SAMSN1: variants seen among roughly 807,000 people sequenced by gnomAD.
SAMSN1 encodes the protein SAM domain-containing protein SAMSN-1.
In SAMSN1, 31 loss-of-function variants were observed where a neutral mutation model predicts 42.0. That is an observed-to-expected ratio of 0.74 (90% CI 0.55 to 1.00). SAMSN1 has a LOEUF of 1.00. Among genes scored for constraint, SAMSN1 ranks in the 50% least tolerant of loss-of-function variants. The pLI is 0.00. For missense variants in SAMSN1, 464 were observed against 439.4 expected (o/e 1.06, Z -0.50); for synonymous variants, 178 against 151.9 (o/e 1.17, Z -1.26).
intron 7 of SAMSN1, among the ~76,000 whole-genome samples, chr21:14,496,945 C>A (rs1458746107): frequency 6.6e-6 from 1 of 152,184 alleles, no homozygotes; most frequent in Non-Finnish European, 1.5e-5. Flanking sequence ...TGCTCTACCT[C>A]AGTTTTGTGG....
intron 1 of SAMSN1, among the ~76,000 whole-genome samples, chr21:14,648,120 G>C (rs943011083): frequency 7.3e-5 from 11 of 151,312 alleles, no homozygotes; most frequent in African/African-American, 2.4e-4. Context: ...ATTGGCTGTG[G>C]GTTTGTCATA....
At chr21:14,534,668 A>G (rs1302002932) in intron 1 of SAMSN1, among the ~76,000 whole-genome samples, 1 of 152,090 alleles carries the variant, frequency 6.6e-6, no homozygotes, top group Non-Finnish European at 1.5e-5. Context: ...GGTGCCCGCC[A>G]CCAGAAGGAG....
chr21:14,615,863 CAAAAAAAAAAAA>C (rs34255188), intron 3 of SAMSN1: 3 of 116,456 alleles, frequency 2.6e-5, no homozygotes, highest in East Asian at 1.7e-4. Context: ...ATGACAGCTG[CAAAAAAAAAAAA>C]AAAAAAAAAA....
At chr21:14,618,147 T>A (rs1982892803) in intron 2 of SAMSN1, among the ~76,000 whole-genome samples, 1 of 152,182 alleles carries the variant, frequency 6.6e-6, no homozygotes, top group Admixed American at 6.5e-5. Flanking sequence ...GGAATTGGGG[T>A]CATCCAATTT....
At chr21:14,557,624 C>G (rs540488174) in intron 2 of SAMSN1, among the ~76,000 whole-genome samples, 1 of 152,260 alleles carries the variant, frequency 6.6e-6, no homozygotes, top group South Asian at 2.1e-4. Flanking sequence ...GAAATTTCTA[C>G]GGGGAATTCA....
chr21:14,611,718 G>A (rs1002244182), intron 4 of SAMSN1, among the ~76,000 whole-genome samples: 9 of 152,144 alleles, frequency 5.9e-5, no homozygotes, highest in African/African-American at 9.7e-5. Context: ...AGGATCCAGC[G>A]CCTATAGATG....
At chr21:14,618,837 C>T (rs1401765291) in intron 2 of SAMSN1, among the ~76,000 whole-genome samples, 1 of 152,176 alleles carries the variant, frequency 6.6e-6, no homozygotes, top group African/African-American at 2.4e-5. Context: ...AAACTTACTC[C>T]TGTTAGCCTT....
rs1398019253 is a variant in SAMSN1 at position 14,512,460 on chromosome 21, A to G, written c.393T>C (p.Ser131=). Residue 131 remains serine, a synonymous_variant, in exon 4 of 8, where the codon AGT becomes AGC. Coordinates refer to ENST00000400566, the MANE Select transcript of SAMSN1 (RefSeq NM_022136.5). ...TAGCCTTACTTGATGAGCTCTGTCC[A>G]CTGTAGAGACTATCCATGGAGTCAC... The part of the protein sequence containing the change: ...KASDSMDSLY[S]GQSSSSGITS... 6.2e-7 allele frequency: 1 copy of G among 1,613,914 alleles called. No homozygotes were observed. The highest frequency in any genetic ancestry group is 8.5e-7 in the Non-Finnish European group (1 of 1,179,880).
intron 1 of SAMSN1, among the ~76,000 whole-genome samples, chr21:14,529,267 G>A (rs745429564): frequency 6.6e-6 from 1 of 152,122 alleles, no homozygotes; most frequent in Admixed American, 6.5e-5. Context: ...ACCCTTTTCC[G>A]ATGCCATTTA....
intron 1 of SAMSN1, among the ~76,000 whole-genome samples, chr21:14,529,716 C>G (rs1979115743): frequency 6.6e-6 from 1 of 152,142 alleles, no homozygotes; most frequent in Non-Finnish European, 1.5e-5. Flanking sequence ...GAATCAATTC[C>G]TATAAGCAGG....
chr21:14,494,373 C>T lies in SAMSN1; in HGVS notation c.919+4069G>A, dbSNP rs569106619. Among the ~76,000 whole-genome samples the T allele has an allele frequency of 6.3e-4, 96 of 152,156 alleles. 1 individual carries two copies. The highest frequency in any genetic ancestry group is 5.4e-3 in the South Asian group (26 of 4,800). ...GGCACATATACACCATGGAATACTA[C>T]GCAGCCATAAAAAAGGATGAGTTTA... is the stretch of plus-strand genomic sequence containing the variant. On this transcript the variant is annotated intron_variant, in intron 7 of 7. Coordinates refer to ENST00000400566, the MANE Select transcript of SAMSN1 (RefSeq NM_022136.5).
At chr21:14,542,974 A>C (rs1980139207) in intron 1 of SAMSN1, among the ~76,000 whole-genome samples, 1 of 152,146 alleles carries the variant, frequency 6.6e-6, no homozygotes, top group Non-Finnish European at 1.5e-5. Context: ...AAAATTCAAG[A>C]ATAAAGATAA....
chr21:14,572,408 C>T (rs2822775), intron 2 of SAMSN1, among the ~76,000 whole-genome samples: 46,038 of 151,956 alleles, frequency 0.3, 7,372 homozygotes, highest in East Asian at 0.48. Flanking sequence ...ATTTGACTCA[C>T]GGAGTTTCCA....
intron 1 of SAMSN1, among the ~76,000 whole-genome samples, chr21:14,645,215 G>A (rs1368476425): frequency 1.3e-5 from 2 of 152,234 alleles, no homozygotes; most frequent in Non-Finnish European, 1.5e-5. Context: ...GCAAGACCCA[G>A]TGTTGTGCTG....
chr21:14,562,325 T>C (rs1980972535), intron 2 of SAMSN1, among the ~76,000 whole-genome samples: 2 of 152,164 alleles, frequency 1.3e-5, no homozygotes, highest in African/African-American at 4.8e-5. Context: ...TTTTCCTGTC[T>C]ATGAAACAGA....
At chr21:14,541,819 C>T (rs1429740319) in intron 1 of SAMSN1, among the ~76,000 whole-genome samples, 2 of 151,802 alleles carry the variant, frequency 1.3e-5, no homozygotes, top group Non-Finnish European at 2.9e-5. Flanking sequence ...TAGCAAAACC[C>T]CCATGTCTAC....
upstream of SAMSN1, among the ~76,000 whole-genome samples, chr21:14,547,605 A>G (rs1291522464): frequency 6.6e-6 from 1 of 152,140 alleles, no homozygotes; most frequent in Non-Finnish European, 1.5e-5. Flanking sequence ...GTGTAGTGCC[A>G]TATTCTTAAT....
At chr21:14,544,079 T>C (rs986908949) in intron 1 of SAMSN1, among the ~76,000 whole-genome samples, 2 of 152,210 alleles carry the variant, frequency 1.3e-5, no homozygotes, top group Non-Finnish European at 1.5e-5. Context: ...AGAAAGGGTC[T>C]TGCTCTGTTG....
At chr21:14,487,049 T>C (rs9636582) in intron 7 of SAMSN1, among the ~76,000 whole-genome samples, 18,167 of 152,126 alleles carry the variant, frequency 0.12, 1,343 homozygotes, top group East Asian at 0.35. Flanking sequence ...AAGAAATAGA[T>C]CTCAGGTACT....
Sources: gnomAD v4.1 joint callset for allele counts (sites outside exome capture counted in the v4.1 genomes callset) on GRCh38, gnomAD v4.1.1 for gene constraint, MANE v1.5 for transcripts, NCBI Gene and HGNC (gene_info 2026-07-23, HGNC 2026-07-21) for gene names.